Variants in MBP observed in about 807,000 individuals in gnomAD.
MBP encodes myelin basic protein, also known as Golli-MBP.
Under a neutral mutation model 35.8 loss-of-function variants are expected in MBP, and 16 were observed. The ratio of observed to expected loss-of-function variants is 0.45; its 90% CI spans 0.30 to 0.68. The LOEUF (loss-of-function observed/expected upper bound fraction) is 0.68. Among genes scored for constraint, MBP ranks in the 30% least tolerant of loss-of-function variants. MBP has a pLI of 0.08. For synonymous variants in MBP, 143 were observed against 159.6 expected, an observed-to-expected ratio of 0.90 and a Z score of 0.78; for missense variants, 380 against 404.7, an observed-to-expected ratio of 0.94 and a Z score of 0.52.
In MBP at chr18:77,089,294, TC is replaced by T. The variant is rs528851752; in HGVS notation, c.51+15916del. Reference sequence around the variant, plus strand: ...CACCTCACCTGGCCAGTGTCAGATGTCAAGTGTGCGGCCATTTCCATGGCCC... The same window carrying T: ...CACCTCACCTGGCCAGTGTCAGATGTAAGTGTGCGGCCATTTCCATGGCCC... On this transcript the variant is annotated intron_variant, in intron 2 of 8. Transcript: ENST00000355994. Among the ~76,000 whole-genome samples the T allele has an allele frequency of 7.9e-5, 12 of 152,330 alleles. No individual in the cohort carries two copies. The East Asian group carries it at 2.3e-3, about 29-fold the overall frequency.
chr18:77,069,375 C>T (rs7235695), intron 2 of MBP, among the ~76,000 whole-genome samples: 9,781 of 152,248 alleles, frequency 0.064, 868 homozygotes, highest in African/African-American at 0.2. Flanking sequence ...CATCCTGCTT[C>T]TATGCTAATA....
In MBP at chr18:76,988,638, G is replaced by A; in HGVS notation, c.718-111C>T. ...AGTGGAGCTGAGGTGGTAAAAACAGGTTCCACCCGGAGCTCCGAGGGGGGC... is the reference window on the plus strand; with the variant it reads ...AGTGGAGCTGAGGTGGTAAAAACAGATTCCACCCGGAGCTCCGAGGGGGGC... On this transcript the variant is annotated intron_variant, in intron 6 of 8. Transcript: ENST00000355994. The surrounding 1 kb of genome is among the most constrained non-coding windows in gnomAD (Gnocchi z 5.2). 1 of 1,515,810 alleles carries A rather than the reference G, an allele frequency of 6.6e-7. No homozygotes were observed. Among genetic ancestry groups the A allele is most frequent in the South Asian group, 1.3e-5 (1 of 76,048 alleles). 93.9% of individuals were successfully genotyped at this position (1,515,810 alleles called of 1,614,324 possible). A position where few individuals can be genotyped will look rare whatever the true frequency, so the allele number is the denominator to read the frequency against.
chr18:76,988,691 C>T lies in MBP; in HGVS notation c.718-164G>A. The stretch of plus-strand genomic sequence containing the variant: ...CAGGCTCAGGGCCACAGCGGCTGTG[C>T]AGGTGCGGGAGGGACAGGAGGGGTG... On this transcript the variant is annotated intron_variant, in intron 6 of 8. Transcript: ENST00000355994. This position sits in a 1 kb window ranked among gnomAD's most constrained non-coding sequence, Gnocchi z 5.2. 1 of 1,411,658 alleles carries T rather than the reference C, an allele frequency of 7.1e-7. No homozygotes were observed. The highest frequency in any genetic ancestry group is 9.6e-7 in the Non-Finnish European group (1 of 1,045,808). 87.4% of individuals were successfully genotyped at this position (1,411,658 alleles called of 1,614,324 possible).
At chr18:77,095,338 G>C (rs1384102183) in intron 2 of MBP, 1 of 152,176 alleles carries the variant, frequency 6.6e-6, no homozygotes, top group Non-Finnish European at 1.5e-5. Context: ...AATTACATGA[G>C]TTCTCAAAAA....
Position 76,988,009 on chromosome 18 carries a change from G to T in MBP, c.750+486C>A. ...AAACAAAAATCTTTGGATTAATGAGGTTATTATAAATCGAGCAACTCTATT... is the reference window on the plus strand; with the variant it reads ...AAACAAAAATCTTTGGATTAATGAGTTTATTATAAATCGAGCAACTCTATT... On this transcript the variant is annotated intron_variant, in intron 7 of 8. Transcript: ENST00000355994. This position sits in a 1 kb window ranked among gnomAD's most constrained non-coding sequence, Gnocchi z 5.2. 1.5e-6 allele frequency: 2 copies of T among 1,332,964 alleles called. No individual in the cohort carries two copies. The highest frequency in any genetic ancestry group is 1.9e-6 in the Non-Finnish European group (2 of 1,035,892). 82.6% of individuals were successfully genotyped at this position (1,332,964 alleles called of 1,614,324 possible).
At chr18:77,053,342 C>T (rs1327811395) in intron 3 of MBP, among the ~76,000 whole-genome samples, 13 of 152,246 alleles carry the variant, frequency 8.5e-5, no homozygotes, top group African/African-American at 2.2e-4. Context: ...TCAGCTGGGT[C>T]GGGACTGAGC....
At chr18:77,105,867 C>T (rs941353319) in intron 1 of MBP, among the ~76,000 whole-genome samples, 1 of 152,242 alleles carries the variant, frequency 6.6e-6, no homozygotes, top group African/African-American at 2.4e-5. Context: ...TTAAAAACCA[C>T]ATTACTCCTC....
At chr18:77,039,205 C>T (rs2144610835) in intron 3 of MBP, among the ~76,000 whole-genome samples, 1 of 152,294 alleles carries the variant, frequency 6.6e-6, no homozygotes, top group South Asian at 2.1e-4. Context: ...CCTGCAAAAC[C>T]TAAAATATAT....
At chr18:76,983,919 G>T (rs904453219) in intron 8 of MBP, 1 of 152,198 alleles carries the variant, frequency 6.6e-6, no homozygotes, top group African/African-American at 2.4e-5. Flanking sequence ...CACCAAGAAA[G>T]ACCCCTCCTC....
At chr18:77,100,560 C>CT (rs1330872252) in intron 2 of MBP, among the ~76,000 whole-genome samples, 2 of 135,434 alleles carry the variant, frequency 1.5e-5, no homozygotes, top group Non-Finnish European at 3.2e-5. Flanking sequence ...GTGGTTTTTT[C>CT]TTTTTTTTGA....
chr18:77,002,628 C>T (rs577729912), intron 4 of MBP, among the ~76,000 whole-genome samples: 6 of 152,314 alleles, frequency 3.9e-5, no homozygotes, highest in East Asian at 1.9e-4. Context: ...CGTCACCACT[C>T]ATTTTACAGA....
At chr18:76,987,473 T>C in intron 7 of MBP, 2 of 985,550 alleles carry the variant, frequency 2.0e-6, no homozygotes, top group Non-Finnish European at 2.4e-6. Context: ...GGGATCCTCA[T>C]GGTCTCTCAA....
At chr18:77,013,529 G>T in intron 4 of MBP, 2 of 985,412 alleles carry the variant, frequency 2.0e-6, no homozygotes, top group Non-Finnish European at 2.4e-6. Flanking sequence ...AGAACATTCT[G>T]ATGAATTTAC....
At chr18:77,072,769 C>A in intron 2 of MBP, among the ~76,000 whole-genome samples, 1 of 152,228 alleles carries the variant, frequency 6.6e-6, no homozygotes, top group East Asian at 1.9e-4. Flanking sequence ...AGCGCAGTTA[C>A]TCAAAGTGAG....
At chr18:77,084,411 G>GCC (rs61631239) in intron 2 of MBP, among the ~76,000 whole-genome samples, 8,693 of 72,978 alleles carry the variant, frequency 0.12, 931 homozygotes, top group East Asian at 0.21. Context: ...TCACAACACC[G>GCC]CCCCCCCCGC....
intron 2 of MBP, among the ~76,000 whole-genome samples, chr18:77,079,682 T>C (rs1027203442): frequency 6.6e-6 from 1 of 152,204 alleles, no homozygotes; most frequent in Non-Finnish European, 1.5e-5. Context: ...TATTCCTTCA[T>C]TTAGGAATAT....
intron 2 of MBP, among the ~76,000 whole-genome samples, chr18:77,085,683 G>GTTTTTTTT (rs10645727): frequency 8.0e-6 from 1 of 124,248 alleles, no homozygotes; most frequent in Non-Finnish European, 1.6e-5. Flanking sequence ...AGTGCAATAA[G>GTTTTTTTT]TTTTTTTTTT....
At chr18:77,029,227 A>G (rs1008767513) in intron 3 of MBP, among the ~76,000 whole-genome samples, 5 of 146,478 alleles carry the variant, frequency 3.4e-5, no homozygotes, top group African/African-American at 4.9e-5. Context: ...CGGCCAACAC[A>G]GCGAAACCCC....
intron 3 of MBP, among the ~76,000 whole-genome samples, chr18:77,038,300 A>T (rs557089768): frequency 2.1e-4 from 32 of 152,376 alleles, no homozygotes; most frequent in African/African-American, 7.5e-4. Flanking sequence ...TCAGATGCAT[A>T]ACAAGGACTG....
Sources: gnomAD v4.1 joint callset for allele counts (sites outside exome capture counted in the v4.1 genomes callset) on GRCh38, gnomAD v4.1.1 for gene constraint, Gnocchi (gnomAD v3.1) non-coding constraint, MANE v1.5 for transcripts, NCBI Gene and HGNC (gene_info 2026-07-23, HGNC 2026-07-21) for gene names.